Variants in ADIPOR2 observed in about 807,000 individuals in gnomAD.
ADIPOR2 encodes adiponectin receptor protein 2.
Under a neutral mutation model 40.9 loss-of-function variants are expected in ADIPOR2, and 18 were observed. That is an observed-to-expected ratio of 0.44 (90% CI 0.30 to 0.65). The LOEUF is 0.65. ADIPOR2 is among the 30% of genes least tolerant of loss of function. The probability of loss-of-function intolerance (pLI) is 0.09; values close to 1 mark genes in which losing one functional copy is unlikely to be tolerated. For synonymous variants in ADIPOR2, 165 were observed against 166.4 expected (o/e 0.99, Z 0.06); for missense variants, 283 against 479.2 (o/e 0.59, Z 3.82).
At chr12:1,737,606 A>G (rs527531862) in intron 1 of ADIPOR2, among the ~76,000 whole-genome samples, 1 of 152,278 alleles carries the variant, frequency 6.6e-6, no homozygotes, top group African/African-American at 2.4e-5. Context: ...TTTTGGAGAC[A>G]GAGTCTCACT....
chr12:1,750,360 A>G (rs1384571683), intron 1 of ADIPOR2, among the ~76,000 whole-genome samples: 1 of 150,116 alleles, frequency 6.7e-6, no homozygotes, highest in Non-Finnish European at 1.5e-5. Context: ...GGAGTTCAAG[A>G]CCAGCCTGGG....
At chr12:1,691,762 C>T (rs1046026945) in intron 1 of ADIPOR2, among the ~76,000 whole-genome samples, 2 of 152,156 alleles carry the variant, frequency 1.3e-5, no homozygotes, top group African/African-American at 2.4e-5. Context: ...GTGTTCGCTT[C>T]TTCTAAAATT....
intron 1 of ADIPOR2, among the ~76,000 whole-genome samples, chr12:1,727,151 C>G (rs2094709568): frequency 6.6e-6 from 1 of 152,224 alleles, no homozygotes; most frequent in Non-Finnish European, 1.5e-5. Flanking sequence ...AATGTTAACT[C>G]CTGTAAAACC....
chr12:1,734,126 A>C (rs998712344), intron 1 of ADIPOR2, among the ~76,000 whole-genome samples: 1 of 152,216 alleles, frequency 6.6e-6, no homozygotes, highest in Non-Finnish European at 1.5e-5. Context: ...GTATATACCC[A>C]GTAATGGGAT....
intron 6 of ADIPOR2, among the ~76,000 whole-genome samples, chr12:1,783,242 T>C (rs1333554696): frequency 1.3e-5 from 2 of 151,980 alleles, no homozygotes; most frequent in Non-Finnish European, 2.9e-5. Flanking sequence ...ATACGTAAAA[T>C]TGCTTGTATT....
chr12:1,782,247 A>G (rs1862732774), intron 6 of ADIPOR2, among the ~76,000 whole-genome samples: 1 of 152,192 alleles, frequency 6.6e-6, no homozygotes. Context: ...CTTCTCTTTT[A>G]GATGTCCATT....
intron 1 of ADIPOR2, among the ~76,000 whole-genome samples, chr12:1,748,448 C>T (rs550756233): frequency 2.0e-5 from 3 of 152,110 alleles, no homozygotes; most frequent in African/African-American, 7.2e-5. Flanking sequence ...TGGGGTTTCA[C>T]CGTGTTAGCC....
intron 1 of ADIPOR2, among the ~76,000 whole-genome samples, chr12:1,742,754 A>T (rs2094745748): frequency 6.6e-6 from 1 of 152,220 alleles, no homozygotes; most frequent in African/African-American, 2.4e-5. Context: ...AAAAAAGTCT[A>T]CATGTTCAGA....
chr12:1,754,536 A>T (rs764843456), intron 2 of ADIPOR2, 22 bp downstream of exon 2: 1 of 1,584,154 alleles, frequency 6.3e-7, no homozygotes, highest in Non-Finnish European at 8.6e-7. Flanking sequence ...TGGAAGAATG[A>T]TAAACAAAGG....
At chr12:1,719,033 C>T (rs1025444674) in intron 1 of ADIPOR2, among the ~76,000 whole-genome samples, 4 of 152,088 alleles carry the variant, frequency 2.6e-5, no homozygotes, top group Non-Finnish European at 4.4e-5. Context: ...CACCAGGGCT[C>T]GAGAATGCCT....
At chr12:1,736,608 C>A (rs933250555) in intron 1 of ADIPOR2, among the ~76,000 whole-genome samples, 1 of 152,110 alleles carries the variant, frequency 6.6e-6, no homozygotes, top group Non-Finnish European at 1.5e-5. Flanking sequence ...GTGTCTCTAT[C>A]CCCTTCAGTT....
intron 1 of ADIPOR2, among the ~76,000 whole-genome samples, chr12:1,724,806 A>T (rs1343574283): frequency 2.6e-5 from 4 of 151,604 alleles, no homozygotes; most frequent in African/African-American, 4.8e-5. Flanking sequence ...TCCTCCCATC[A>T]CAGCCTCCCA....
intron 1 of ADIPOR2, among the ~76,000 whole-genome samples, chr12:1,708,190 T>TG (rs1392256792): frequency 1.3e-5 from 2 of 151,824 alleles, no homozygotes; most frequent in Admixed American, 6.6e-5. Context: ...ATATGGGTTT[T>TG]TTTTTTTTTT....
chr12:1,784,849 C>T (rs1862796026), intron 7 of ADIPOR2, among the ~76,000 whole-genome samples: 2 of 152,208 alleles, frequency 1.3e-5, no homozygotes, highest in African/African-American at 4.8e-5. Flanking sequence ...CTTTGTAATT[C>T]TGTTCCTCAG....
At chr12:1,726,241 A>C (rs889485739) in intron 1 of ADIPOR2, among the ~76,000 whole-genome samples, 31 of 152,078 alleles carry the variant, frequency 2.0e-4, no homozygotes, top group Admixed American at 6.5e-5. Context: ...CTTGTCACCC[A>C]GGCTGGAGTG....
At chr12:1,711,761 G>A (rs945950798) in intron 1 of ADIPOR2, among the ~76,000 whole-genome samples, 4 of 151,490 alleles carry the variant, frequency 2.6e-5, no homozygotes, top group Non-Finnish European at 5.9e-5. Flanking sequence ...CCCTGCCTCT[G>A]CCAGCTGCTT....
chr12:1,762,110 A>G (rs1262911411), intron 2 of ADIPOR2, among the ~76,000 whole-genome samples: 1 of 152,110 alleles, frequency 6.6e-6, no homozygotes, highest in Admixed American at 6.5e-5. Context: ...GCCTTCAAAC[A>G]TGGCTCTTTC....
intron 1 of ADIPOR2, among the ~76,000 whole-genome samples, chr12:1,722,684 G>A (rs536278462): frequency 6.6e-6 from 1 of 152,138 alleles, no homozygotes; most frequent in African/African-American, 2.4e-5. Context: ...GCCCAGATTC[G>A]AATCTTACTT....
intron 2 of ADIPOR2, among the ~76,000 whole-genome samples, chr12:1,768,629 T>A (rs1383935435): frequency 1.3e-5 from 2 of 152,244 alleles, no homozygotes; most frequent in Admixed American, 6.5e-5. Context: ...GTTTGTGAAT[T>A]ATTTTCATAT....
Sources: gnomAD v4.1 joint callset for allele counts (sites outside exome capture counted in the v4.1 genomes callset) on GRCh38, gnomAD v4.1.1 for gene constraint, MANE v1.5 for transcripts, NCBI Gene and HGNC (gene_info 2026-07-23, HGNC 2026-07-21) for gene names.